Variants in TIMP1 observed in about 807,000 individuals in gnomAD.
TIMP1 encodes metalloproteinase inhibitor 1.
A neutral mutation model predicts 13.7 loss-of-function variants in TIMP1; 5 were observed. The ratio of observed to expected loss-of-function variants is 0.36; its 90% confidence interval spans 0.19 to 0.76. The LOEUF is 0.76. Among genes scored for constraint, TIMP1 ranks in the 30% least tolerant of loss-of-function variants. TIMP1 has a pLI of 0.51. For synonymous variants in TIMP1, 63 were observed against 67.1 expected (o/e 0.94, Z 0.30); for missense variants, 131 against 168.4 (o/e 0.78, Z 1.23).
At position 47,583,876 on chromosome X, in the gene TIMP1, A is replaced by C. The variant is rs764447462; in HGVS notation, c.121+340A>C. 2.7e-5 allele frequency among the ~76,000 whole-genome samples: 3 copies of C among 111,914 alleles called. No individual in the cohort carries two copies. In the East Asian group the frequency reaches 8.5e-4, roughly 32 times the overall value. ...ACTCCTGATCTCCTGTTAAACAGAA[A>C]AATATTCAGTGATACTTGTTATAAC... On this transcript the variant is annotated intron_variant, in intron 2 of 5. Transcript: ENST00000218388.
chrX:47,585,729 G>A (rs1380494447), intron 5 of TIMP1, 62 bp downstream of exon 5: 6 of 1,193,743 alleles, frequency 5.0e-6, no homozygotes, highest in Non-Finnish European at 6.8e-6. Context: ...CCTAAATCGT[G>A]GGCTTGTTTC....
rs759098677 is a variant in TIMP1, at chrX:47,585,022, C to G, written c.201+7C>G. On this transcript the variant is annotated splice_region_variant and intron_variant, in intron 3 of 5. Coordinates refer to ENST00000218388, the MANE Select transcript of TIMP1 (RefSeq NM_003254.3). ...TGAGATCAAGATGACCAAGGTATCCCCTGCCCCCGCCTCTTTCCCAGCATT... is the reference window on the plus strand; with the variant it reads ...TGAGATCAAGATGACCAAGGTATCCGCTGCCCCCGCCTCTTTCCCAGCATT... 1.1e-5 allele frequency: 13 copies of G among 1,206,473 alleles called. No individual in the cohort carries two copies. The South Asian group carries it at 2.3e-4, about 21-fold the overall frequency.
At chrX:47,582,778 A>G (rs1358627920) in intron 1 of TIMP1, among the ~76,000 whole-genome samples, 1 of 84,351 alleles carries the variant, frequency 1.2e-5, no homozygotes, top group Non-Finnish European at 2.2e-5. Context: ...AATTTCCCTC[A>G]TCGCCCCCTA....
In TIMP1 at chrX:47,583,444, G is replaced by A. The variant is rs769627219; in HGVS notation, c.29G>A (p.Gly10Asp). ...GCCCCCTTTGAGCCCCTGGCTTCTG[G>A]CATCCTGTTGTTGCTGTGGCTGATA... MAPFEPLASGILLLLWLIAP... is the reference protein window; with the variant it reads MAPFEPLASDILLLLWLIAP... The change falls in exon 2 of 6, where the codon GGC becomes GAC. Residue 10 changes from glycine (G) to aspartate (D), a missense_variant. Transcript: ENST00000218388. 43 of 1,204,600 alleles carry A rather than the reference G, an allele frequency of 3.6e-5. No individual in the cohort carries two copies. The South Asian group carries it at 6.9e-4, about 19-fold the overall frequency.
At chrX:47,586,273 C>T in intron 5 of TIMP1, 1 of 754,531 alleles carries the variant, frequency 1.3e-6, no homozygotes, top group Non-Finnish European at 1.6e-6. Context: ...CACAGGCGAC[C>T]TGCCTGACTG....
chrX:47,585,887 A>T (rs6609533), intron 5 of TIMP1: 4 of 1,135,401 alleles, frequency 3.5e-6, no homozygotes, highest in South Asian at 1.9e-5. Flanking sequence ...CCGTGTGATC[A>T]CCTGTCCCTC....
intron 5 of TIMP1, 154 bp from the exon 6 acceptor site, chrX:47,586,367 C>A: frequency 1.3e-6 from 1 of 744,543 alleles, no homozygotes; most frequent in Middle Eastern, 7.7e-4. Context: ...AGTGACATTT[C>A]CCTCAATGGG....
chrX:47,585,569 A>T lies in TIMP1; in HGVS notation c.355A>T (p.Ile119Phe). 8.3e-7 allele frequency: 1 copy of T among 1,198,874 alleles called. No homozygotes were observed. The highest frequency in any genetic ancestry group is 1.1e-6 in the Non-Finnish European group (1 of 888,445). ...AGKLQDGLLH[I>F]TTCSFVAPWN... Reference sequence around the variant, plus strand: ...AAAACTGCAGGATGGACTCTTGCACATCACTACCTGCAGTTTTGTGGCTCC... The same window carrying T: ...AAAACTGCAGGATGGACTCTTGCACTTCACTACCTGCAGTTTTGTGGCTCC... Residue 119 changes from isoleucine (I) to phenylalanine (F), a missense_variant, in exon 5 of 6, where the codon ATC (isoleucine) becomes TTC (phenylalanine). Physicochemically the swap from Ile to Phe is conservative, Grantham distance 21. Coordinates refer to ENST00000218388, the MANE Select transcript of TIMP1 (RefSeq NM_003254.3).
At chrX:47,585,756 T>C (rs1307524509) in intron 5 of TIMP1, 89 bp downstream of exon 5, 1 of 1,175,671 alleles carries the variant, frequency 8.5e-7, no homozygotes, top group Admixed American at 2.5e-5. Flanking sequence ...CCTCTGGCTA[T>C]TCTGTGTCCC....
At chrX:47,585,836 C>G in intron 5 of TIMP1, 169 bp downstream of exon 5, 1 of 1,149,257 alleles carries the variant, frequency 8.7e-7, no homozygotes, top group Non-Finnish European at 1.2e-6. Context: ...CGAGACTGCT[C>G]CCTTACAAAT....
At chrX:47,584,852 T>G (rs933519092) in intron 2 of TIMP1, 84 bp from the exon 3 acceptor site, 5 of 844,497 alleles carry the variant, frequency 5.9e-6, no homozygotes, top group African/African-American at 2.0e-5. Context: ...TGCGCTTTGC[T>G]GGTATGATGA....
At position 47,583,616 on chromosome X, in the gene TIMP1, C is replaced by T. The variant is rs1388315048; in HGVS notation, c.121+80C>T. 8 of 1,042,745 alleles carry T rather than the reference C, an allele frequency of 7.7e-6. No homozygotes were observed. In the Admixed American group the frequency reaches 2.4e-4, roughly 31 times the overall value. 85.9% of individuals were successfully genotyped at this position (1,042,745 alleles called of 1,213,427 possible). ...CAGTGGGGCTCACCATGGCACTTAC[C>T]TCTAGAATGATTCCACTCGCCCCTG... On this transcript the variant is annotated intron_variant, in intron 2 of 5. Transcript: ENST00000218388.
rs2057809614 is a variant in TIMP1, at chrX:47,583,650, C to T, written c.121+114C>T. On this transcript the variant is annotated intron_variant, in intron 2 of 5. Coordinates refer to ENST00000218388, the MANE Select transcript of TIMP1 (RefSeq NM_003254.3). ...GATTCCACTCGCCCCTGCACTTCCT[C>T]TGCTTTAGCCACACTGGCATCCTCA... 3.5e-6 allele frequency: 3 copies of T among 866,397 alleles called. No homozygotes were observed. In the Admixed American group the frequency reaches 1.0e-4, roughly 30 times the overall value. The allele number at this position is 866,397 out of a possible 1,213,427, so 71.4% of individuals were successfully genotyped here. A position where few individuals can be genotyped will look rare whatever the true frequency, so the allele number is the denominator to read the frequency against.
chrX:47,586,142 CCT>C (rs2147919568), intron 5 of TIMP1: 1 of 940,252 alleles, frequency 1.1e-6, no homozygotes, highest in East Asian at 6.2e-5. Context: ...CTCCTGATGG[CCT>C]CTGAGCCCAG....
At chrX:47,584,060 A>G (rs1281330143) in intron 2 of TIMP1, among the ~76,000 whole-genome samples, 2 of 111,230 alleles carry the variant, frequency 1.8e-5, no homozygotes, top group African/African-American at 6.6e-5. Context: ...GTGGGTGGAA[A>G]TTACTAAGAA....
chrX:47,586,486 G>T (rs1223979820), intron 5 of TIMP1, 35 bp from the exon 6 acceptor site: 2 of 1,198,388 alleles, frequency 1.7e-6, no homozygotes, highest in Admixed American at 4.4e-5. Context: ...GAGGCAGGGA[G>T]AAGCCCTCAG....
intron 2 of TIMP1, among the ~76,000 whole-genome samples, chrX:47,584,242 G>GATTGAGGATGATCAGGT (rs1333022937): frequency 1.8e-5 from 2 of 109,163 alleles, no homozygotes; most frequent in Admixed American, 9.7e-5. Context: ...GATGATCAGA[G>GATTGAGGATGATCAGGT]ATTGAGGATG....
At chrX:47,585,162 G>A (rs199508591) in intron 3 of TIMP1, 43 bp from the exon 4 acceptor site, 8 of 1,166,896 alleles carry the variant, frequency 6.9e-6, no homozygotes, top group Non-Finnish European at 9.2e-6. Flanking sequence ...GGAGTGGGAG[G>A]ATTATGTCAG....
Position 47,584,642 on chromosome X carries a change from T to G in TIMP1, c.122-294T>G, listed in dbSNP as rs139559591. On this transcript the variant is annotated intron_variant, in intron 2 of 5. Coordinates refer to ENST00000218388, the MANE Select transcript of TIMP1 (RefSeq NM_003254.3). ...GGGATTTCTGTGTTTTGTTCACTGT[T>G]GTGTCCCTAACACCCAGAACAATGT... 6.4e-3 allele frequency among the ~76,000 whole-genome samples: 715 copies of G among 112,372 alleles called. 3 individuals are homozygous for G. The highest frequency in any genetic ancestry group is 8.6e-3 in the Non-Finnish European group (458 of 53,240).
Sources: gnomAD v4.1 joint callset for allele counts (sites outside exome capture counted in the v4.1 genomes callset) on GRCh38, gnomAD v4.1.1 for gene constraint, MANE v1.5 for transcripts, NCBI Gene and HGNC (gene_info 2026-07-23, HGNC 2026-07-21) for gene names.